The following KIF25 variants were observed in gnomAD, a reference collection of about 807,000 sequenced individuals.
KIF25 encodes the protein kinesin family member 25.
KIF25 carries 19 observed loss-of-function variants against 32.9 expected under a neutral mutation model. The ratio of observed to expected loss-of-function variants is 0.58; its 90% CI spans 0.40 to 0.85. The LOEUF is 0.85. Ranked by LOEUF, KIF25 falls within the 40% of genes least tolerant of loss-of-function variation. KIF25 has a pLI of 0.00. For missense variants in KIF25, 485 were observed against 507.0 expected, an observed-to-expected ratio of 0.96 and a Z score of 0.42; for synonymous variants, 225 against 213.7, an observed-to-expected ratio of 1.05 and a Z score of -0.46.
chr6:168,006,426 T>C (rs533711964), intron 4 of KIF25, among the ~76,000 whole-genome samples: 2 of 152,192 alleles, frequency 1.3e-5, no homozygotes, highest in African/African-American at 2.4e-5. Flanking sequence ...TGGTTTTGAA[T>C]GTACAGTATG....
chr6:167,998,556 T>G lies in KIF25; in HGVS notation c.-913T>G, dbSNP rs1202109895. On this transcript the variant is annotated 5_prime_UTR_variant, in exon 1 of 13. The change abolishes an upstream ATG in the 5' untranslated region. Coordinates refer to ENST00000643607, the MANE Select transcript of KIF25 (RefSeq NM_030615.4). ...GCTCACTGGAAACCAGTGGAGTTTA[T>G]GAGAATAAAAAGCTTCTAATTTCCT... 2 of 152,282 alleles carry G rather than the reference T, an allele frequency of 1.3e-5. No individual in the cohort carries two copies. Among genetic ancestry groups the G allele is most frequent in the East Asian group, 3.9e-4 (2 of 5,186 alleles). The allele number at this position is 152,282 out of a possible 1,614,324, so 9.4% of individuals were successfully genotyped here.
At chr6:168,026,643 G>T (rs998453917) in intron 5 of KIF25, among the ~76,000 whole-genome samples, 1 of 152,098 alleles carries the variant, frequency 6.6e-6, no homozygotes, top group Non-Finnish European at 1.5e-5. Flanking sequence ...GAGGGGGAAA[G>T]TTCAATTTTA....
chr6:168,042,723 G>T lies in KIF25; in HGVS notation c.985+7G>T. ...CTCCTTCAGGACTGCCTCGGTAACC[G>T]TTTTCCCCAAAATGCCCCAGGATGG... is the stretch of plus-strand genomic sequence containing the variant. On this transcript the variant is annotated splice_region_variant and intron_variant, in intron 12 of 12. Transcript: ENST00000643607. 6.2e-7 allele frequency: 1 copy of T among 1,605,762 alleles called. No homozygotes were observed. The highest frequency in any genetic ancestry group is 2.2e-5 in the East Asian group (1 of 44,772).
Position 168,033,977 on chromosome 6 carries a change from T to A in KIF25, c.263T>A (p.Leu88His). ...RHSDDGPVLP[L>H]DPQSDLGIIP... is the part of the protein sequence containing the mutation. ...TCGGACGACGGCCCTGTTCTGCCGC[T>A]TGACCCACAGAGTGACTTAGGAATT... The change falls in exon 8 of 13, where the codon CTT becomes CAT. Residue 88 changes from leucine to histidine, a missense_variant. By Grantham distance (99) the Leu-to-His change is moderately conservative. This residue lies in a region of KIF25 where 480 missense variants were observed against 470.3 expected (regional missense o/e 1.02). Coordinates refer to ENST00000643607, the MANE Select transcript of KIF25 (RefSeq NM_030615.4). 6.2e-7 allele frequency: 1 copy of A among 1,614,184 alleles called. No individual in the cohort carries two copies. Among genetic ancestry groups the A allele is most frequent in the Non-Finnish European group, 8.5e-7 (1 of 1,180,034 alleles).
intron 5 of KIF25, among the ~76,000 whole-genome samples, chr6:168,024,556 G>A (rs901031802): frequency 1.3e-5 from 2 of 151,660 alleles, no homozygotes; most frequent in Non-Finnish European, 2.9e-5. Flanking sequence ...CTAGGCTTGG[G>A]ATGGGAGGCT....
chr6:168,010,481 G>A (rs181182413), intron 4 of KIF25, among the ~76,000 whole-genome samples: 38 of 152,092 alleles, frequency 2.5e-4, no homozygotes, highest in Non-Finnish European at 4.3e-4. Context: ...TGTTATGGTC[G>A]AATAAGACAC....
chr6:168,020,747 T>TA (rs1176492744), intron 5 of KIF25, among the ~76,000 whole-genome samples: 2 of 151,326 alleles, frequency 1.3e-5, no homozygotes, highest in Admixed American at 6.6e-5. Context: ...CAAAAAAAGA[T>TA]ACATGGAATT....
At chr6:168,016,547 G>A (rs894766567) in intron 4 of KIF25, among the ~76,000 whole-genome samples, 2 of 152,214 alleles carry the variant, frequency 1.3e-5, no homozygotes, top group African/African-American at 4.8e-5. Context: ...AATCACGGTA[G>A]CAAGTGACCT....
chr6:168,030,751 G>T, intron 6 of KIF25, 22 bp from the exon 7 acceptor site: 5 of 1,599,574 alleles, frequency 3.1e-6, no homozygotes, highest in Non-Finnish European at 4.3e-6. Context: ...TATTAATACA[G>T]CATTTTCACT....
At chr6:168,000,797 C>T (rs1446738696) in intron 2 of KIF25, among the ~76,000 whole-genome samples, 3 of 136,090 alleles carry the variant, frequency 2.2e-5, no homozygotes, top group East Asian at 2.6e-4. Context: ...GGCACTGGGT[C>T]CCACTCCTGA....
At chr6:168,000,094 C>T (rs1241831409) in intron 2 of KIF25, among the ~76,000 whole-genome samples, 1 of 110,074 alleles carries the variant, frequency 9.1e-6, no homozygotes, top group Non-Finnish European at 1.9e-5. Context: ...CCATCCTGAC[C>T]ACACCTGACC....
Position 168,013,703 on chromosome 6 carries a change from G to A in KIF25, c.-162-4270G>A, listed in dbSNP as rs139208695. ...TTTCTGTGGGGGCTGGTGGGGATCT[G>A]CTGCTTCCCTTTCCCTGCAAGGGGA... On this transcript the variant is annotated intron_variant, in intron 4 of 12. Transcript: ENST00000643607. Among the ~76,000 whole-genome samples the A allele has an allele frequency of 5.9e-3, 870 of 148,164 alleles. 2 individuals carry two copies. The highest frequency in any genetic ancestry group is 8.3e-3 in the Non-Finnish European group (562 of 67,954).
At chr6:168,032,149 C>T (rs140342677) in intron 7 of KIF25, among the ~76,000 whole-genome samples, 13 of 152,320 alleles carry the variant, frequency 8.5e-5, no homozygotes, top group Non-Finnish European at 1.5e-4. Context: ...ATTAAGGCTG[C>T]AGGGTATCGT....
At chr6:168,016,928 C>G (rs1798722874) in intron 4 of KIF25, among the ~76,000 whole-genome samples, 2 of 152,364 alleles carry the variant, frequency 1.3e-5, no homozygotes, top group South Asian at 4.1e-4. Context: ...TCATTGCTTC[C>G]TGAGCTGCCC....
At position 168,042,550 on chromosome 6, in the gene KIF25, G is replaced by C. The variant is rs374551750; in HGVS notation, c.830-11G>C. The C allele has an allele frequency of 3.7e-6, 6 of 1,610,156 alleles. No individual in the cohort carries two copies. The South Asian group carries it at 6.6e-5, about 18-fold the overall frequency. ...GTGCAAACGGTGATGGTGCGTGGCG[G>C]TCCTGTCCAGGTGTGTCTGGAGTGA... is the stretch of plus-strand genomic sequence containing the variant. On this transcript the variant is annotated splice_polypyrimidine_tract_variant and intron_variant, in intron 11 of 12. Coordinates refer to ENST00000643607, the MANE Select transcript of KIF25 (RefSeq NM_030615.4).
chr6:168,024,987 G>T (rs1798840278), intron 5 of KIF25, among the ~76,000 whole-genome samples: 1 of 152,206 alleles, frequency 6.6e-6, no homozygotes, highest in African/African-American at 2.4e-5. Flanking sequence ...GGAGGCAGAG[G>T]TTGCAGTGAG....
At chr6:168,035,224 A>ACGTCC (rs1798998948) in intron 8 of KIF25, among the ~76,000 whole-genome samples, 1 of 151,592 alleles carries the variant, frequency 6.6e-6, no homozygotes, top group Non-Finnish European at 1.5e-5. Context: ...GTGTGGCAGC[A>ACGTCC]CGTCCCGGAC....
rs557609757 is a variant in KIF25 at position 168,033,776 on chromosome 6, T to C, written c.168-106T>C. 4 of 1,177,664 alleles carry C rather than the reference T, an allele frequency of 3.4e-6. No individual in the cohort carries two copies. The South Asian group carries it at 4.4e-5, about 13-fold the overall frequency. The allele number at this position is 1,177,664 out of a possible 1,614,324, so 73.0% of individuals were successfully genotyped here. A position where few individuals can be genotyped will look rare whatever the true frequency, so the allele number is the denominator to read the frequency against. ...TATAAGAAATGGAGTAACAGGAGAATAGGAAATGAAATGTATTGAAGTTTC... is the reference window on the plus strand; with the variant it reads ...TATAAGAAATGGAGTAACAGGAGAACAGGAAATGAAATGTATTGAAGTTTC... On this transcript the variant is annotated intron_variant, in intron 7 of 12. Coordinates refer to ENST00000643607, the MANE Select transcript of KIF25 (RefSeq NM_030615.4).
chr6:168,031,988 C>G (rs1250198894), intron 7 of KIF25, among the ~76,000 whole-genome samples: 2 of 152,190 alleles, frequency 1.3e-5, no homozygotes, highest in Non-Finnish European at 2.9e-5. Context: ...CAATCCAATT[C>G]ATTTTAAAAA....
Sources: allele counts gnomAD v4.1 joint callset (sites outside exome capture counted in the v4.1 genomes callset), GRCh38; gene constraint gnomAD v4.1.1; regional missense constraint gnomAD v4.1.1; transcripts MANE v1.5; gene names NCBI Gene and HGNC (gene_info 2026-07-23, HGNC 2026-07-21).